Variants in ADAMTS14 observed in about 807,000 individuals in gnomAD.
The protein encoded by ADAMTS14 is ADAM metallopeptidase with thrombospondin type 1 motif 14.
ADAMTS14 carries 100 observed loss-of-function variants against 128.6 expected under a neutral mutation model. The ratio of observed to expected loss-of-function variants is 0.78; its 90% confidence interval spans 0.66 to 0.92. The LOEUF is 0.92. Ranked by LOEUF, ADAMTS14 falls within the 40% of genes least tolerant of loss-of-function variation. The probability of loss-of-function intolerance (pLI) is 0.00; values close to 1 mark genes in which losing one functional copy is unlikely to be tolerated. For missense variants in ADAMTS14, 1,562 were observed against 1,658.6 expected (o/e 0.94, Z 1.01); for synonymous variants, 665 against 653.8 (o/e 1.02, Z -0.26).
chr10:70,704,425 C>T (rs1840589909), intron 3 of ADAMTS14, among the ~76,000 whole-genome samples: 2 of 151,862 alleles, frequency 1.3e-5, no homozygotes, highest in Non-Finnish European at 2.9e-5. Flanking sequence ...CCCTTACTGG[C>T]ACACACCCAT....
Position 70,732,333 on chromosome 10 carries a change from C to T in ADAMTS14, c.1182C>T (p.Phe394=), listed in dbSNP as rs540593543. 9.9e-6 allele frequency: 16 copies of T among 1,614,122 alleles called. No individual in the cohort carries two copies. The highest frequency in any genetic ancestry group is 8.9e-5 in the East Asian group (4 of 44,876). Residue 394 remains phenylalanine, a synonymous_variant, in exon 7 of 22, where the codon TTC becomes TTT. Coordinates refer to ENST00000373207, the MANE Select transcript of ADAMTS14 (RefSeq NM_080722.4). The part of the protein sequence containing the change: ...LNHEDGFSSA[F]VIAHETGHVL... ...ATGAGGATGGCTTCTCCTCAGCCTT[C>T]GTGATAGCTCATGAGACCGGCCACG...
rs751479204 is a variant in ADAMTS14, at chr10:70,734,025, T to C, written c.1349T>C (p.Leu450Pro). ...AGCAAGCTGGAGCTCAGCCGCTACC[T>C]CCCGTAGGTCATTCCTGCCCTCAGA... ...RCSKLELSRY[L>P]PSYDCLLDDP... The change falls in exon 8 of 22, where the codon CTC becomes CCC. Residue 450 changes from leucine to proline, a missense_variant. Transcript: ENST00000373207. The C allele has an allele frequency of 1.4e-5, 23 of 1,611,996 alleles. 1 individual carries two copies. The South Asian group carries it at 2.3e-4, about 16-fold the overall frequency.
At chr10:70,707,009 G>A (rs1840688685) in intron 3 of ADAMTS14, among the ~76,000 whole-genome samples, 1 of 152,214 alleles carries the variant, frequency 6.6e-6, no homozygotes, top group Non-Finnish European at 1.5e-5. Flanking sequence ...TCTGCCCCCT[G>A]TGCTGAAGCA....
chr10:70,739,272 T>G (rs1284343004), intron 11 of ADAMTS14, among the ~76,000 whole-genome samples: 2 of 152,256 alleles, frequency 1.3e-5, no homozygotes, highest in Admixed American at 6.5e-5. Flanking sequence ...TACTTCTTCA[T>G]GCGTGTAACA....
At chr10:70,732,559 G>A (rs1841680753) in intron 7 of ADAMTS14, among the ~76,000 whole-genome samples, 200 bp downstream of exon 7, 1 of 152,266 alleles carries the variant, frequency 6.6e-6, no homozygotes, top group Non-Finnish European at 1.5e-5. Flanking sequence ...GAGGAGCCAA[G>A]GGGCATGAGT....
intron 4 of ADAMTS14, among the ~76,000 whole-genome samples, chr10:70,715,399 A>AG (rs1841006607): frequency 6.6e-6 from 1 of 151,898 alleles, no homozygotes; most frequent in Non-Finnish European, 1.5e-5. Flanking sequence ...CTGCTTGGTG[A>AG]GGGGCTCCAC....
chr10:70,723,437 C>A (rs1467116419), intron 4 of ADAMTS14, among the ~76,000 whole-genome samples: 1 of 152,140 alleles, frequency 6.6e-6, no homozygotes, highest in Non-Finnish European at 1.5e-5. Context: ...ACAACCATAC[C>A]ATAGTAATGG....
chr10:70,708,820 G>C (rs778040680), intron 4 of ADAMTS14, 42 bp downstream of exon 4: 6 of 1,344,672 alleles, frequency 4.5e-6, no homozygotes, highest in Non-Finnish European at 5.0e-6. Context: ...GAGTGGGGTG[G>C]GGTGGGCCCC....
intron 2 of ADAMTS14, among the ~76,000 whole-genome samples, chr10:70,690,401 A>G (rs1840151216): frequency 6.9e-6 from 1 of 144,708 alleles, no homozygotes; most frequent in South Asian, 2.2e-4. Context: ...GAGACTGGCC[A>G]GTGATACCTG....
Position 70,734,012 on chromosome 10 carries a change from C to T in ADAMTS14, c.1336C>T (p.Leu446Phe). The T allele has an allele frequency of 1.9e-6, 3 of 1,613,272 alleles. No homozygotes were observed. The highest frequency in any genetic ancestry group is 2.5e-6 in the Non-Finnish European group (3 of 1,179,968). Residue 446 changes from leucine (L) to phenylalanine (F), a missense_variant, in exon 8 of 22, where the codon CTC becomes TTC. Physicochemically the swap from Leu to Phe is conservative, Grantham distance 22. Transcript: ENST00000373207. ...TTGGTCCCGCTGCAGCAAGCTGGAG[C>T]TCAGCCGCTACCTCCCGTAGGTCAT... ...FHWSRCSKLELSRYLPSYDCL... is the reference protein window; with the variant it reads ...FHWSRCSKLEFSRYLPSYDCL...
intron 19 of ADAMTS14, 121 bp from the exon 20 acceptor site, chr10:70,757,841 C>T (rs10999515): frequency 0.21 from 300,696 of 1,413,818 alleles, 33,317 homozygotes; most frequent in Admixed American, 0.3. Flanking sequence ...ACTTGGTGCT[C>T]TCCTTTGTAC....
At chr10:70,728,432 G>A (rs35965582) in intron 4 of ADAMTS14, among the ~76,000 whole-genome samples, 23,404 of 152,182 alleles carry the variant, frequency 0.15, 2,168 homozygotes, top group Non-Finnish European at 0.22. Flanking sequence ...TCATAAACAA[G>A]GTTATTTAAA....
At chr10:70,694,082 C>T (rs1201886694) in intron 2 of ADAMTS14, among the ~76,000 whole-genome samples, 3 of 152,246 alleles carry the variant, frequency 2.0e-5, no homozygotes, top group African/African-American at 7.2e-5. Flanking sequence ...TTGGCAGCCC[C>T]AGCCTCCAGC....
chr10:70,748,757 G>A (rs1013474319), intron 15 of ADAMTS14, among the ~76,000 whole-genome samples: 8 of 152,214 alleles, frequency 5.3e-5, no homozygotes, highest in African/African-American at 1.7e-4. Flanking sequence ...GCTCTTATAT[G>A]ACAGTTATGA....
At chr10:70,691,632 G>A (rs1046979152) in intron 2 of ADAMTS14, among the ~76,000 whole-genome samples, 7 of 151,800 alleles carry the variant, frequency 4.6e-5, no homozygotes, top group African/African-American at 1.7e-4. Flanking sequence ...CCTAATAATT[G>A]TCCTCACTCT....
intron 2 of ADAMTS14, among the ~76,000 whole-genome samples, chr10:70,680,129 C>T (rs187827412): frequency 5.9e-5 from 9 of 152,296 alleles, no homozygotes; most frequent in Admixed American, 2.6e-4. Flanking sequence ...TGGCTGGGCG[C>T]GGTGGCTCAT....
Position 70,700,758 on chromosome 10 carries a change from G to A in ADAMTS14, c.523-1554G>A, listed in dbSNP as rs973487784. Among the ~76,000 whole-genome samples the A allele has an allele frequency of 5.9e-5, 9 of 152,182 alleles. No individual in the cohort carries two copies. The South Asian group carries it at 6.2e-4, about 11-fold the overall frequency. On this transcript the variant is annotated intron_variant, in intron 2 of 21. Transcript: ENST00000373207. Reference sequence around the variant, plus strand: ...CCTTTGGGACACGTGTCCACACTTCGTCATAGCACCGGGCAGGACGTTGGC... The same window carrying A: ...CCTTTGGGACACGTGTCCACACTTCATCATAGCACCGGGCAGGACGTTGGC...
At chr10:70,689,997 T>G (rs1206642368) in intron 2 of ADAMTS14, among the ~76,000 whole-genome samples, 4 of 144,980 alleles carry the variant, frequency 2.8e-5, no homozygotes, top group African/African-American at 9.8e-5. Context: ...TTTCTAGTTA[T>G]TTATCGCCTG....
Position 70,754,014 on chromosome 10 carries a change from T to C in ADAMTS14, c.2937+7T>C, listed in dbSNP as rs1807588143. ...GCTGGGAGCCTGGTCCCAGGTGACT[T>C]GTCCTCAGGAGGTGGGAGGGGCTTG... On this transcript the variant is annotated splice_region_variant and intron_variant, in intron 19 of 21. Transcript: ENST00000373207. 1 of 1,546,282 alleles carries C rather than the reference T, an allele frequency of 6.5e-7. No homozygotes were observed. Among genetic ancestry groups the C allele is most frequent in the Non-Finnish European group, 8.7e-7 (1 of 1,148,322 alleles).
Sources: allele counts gnomAD v4.1 joint callset (sites outside exome capture counted in the v4.1 genomes callset), GRCh38; gene constraint gnomAD v4.1.1; transcripts MANE v1.5; gene names NCBI Gene and HGNC (gene_info 2026-07-23, HGNC 2026-07-21).